Variants in CDC14A observed in about 807,000 individuals in gnomAD.
CDC14A encodes cell division cycle 14A.
CDC14A carries 53 observed loss-of-function variants against 74.4 expected under a neutral mutation model. That is an observed-to-expected ratio of 0.71 (90% CI 0.57 to 0.89). The LOEUF (loss-of-function observed/expected upper bound fraction) is 0.89. Among genes scored for constraint, CDC14A ranks in the 40% least tolerant of loss-of-function variants. The probability of loss-of-function intolerance (pLI) is 0.00; values close to 1 mark genes in which losing one functional copy is unlikely to be tolerated. For synonymous variants in CDC14A, 247 were observed against 258.4 expected (o/e 0.96, Z 0.43); for missense variants, 646 against 713.7 (o/e 0.91, Z 1.08).
intron 4 of CDC14A, among the ~76,000 whole-genome samples, chr1:100,409,252 C>T (rs1361540738): frequency 6.6e-6 from 1 of 152,204 alleles, no homozygotes; most frequent in African/African-American, 2.4e-5. Context: ...GACCTGCCCT[C>T]ATGATTCAGA....
At chr1:100,465,343 T>C (rs1174975263) in intron 9 of CDC14A, among the ~76,000 whole-genome samples, 3 of 152,224 alleles carry the variant, frequency 2.0e-5, no homozygotes, top group Non-Finnish European at 4.4e-5. Flanking sequence ...CATTTACATG[T>C]GGTAATATCT....
rs1571358399 is a variant in CDC14A, at chr1:100,505,495, TAA to T, written c.1755+6234_1755+6235del. On this transcript the variant is annotated intron_variant, in intron 15 of 15. Transcript: ENST00000336454. ...AATATTAGAATCTAGCTTTATAAAA[TAA>T]CCAGTTTGATGAAAATCTGAGTGAT... Among the ~76,000 whole-genome samples the T allele has an allele frequency of 7.2e-5, 11 of 152,350 alleles. No homozygotes were observed. The East Asian group carries it at 2.1e-3, about 29-fold the overall frequency.
At chr1:100,505,852 C>A (rs920676028) in intron 15 of CDC14A, among the ~76,000 whole-genome samples, 1 of 152,138 alleles carries the variant, frequency 6.6e-6, no homozygotes, top group African/African-American at 2.4e-5. Flanking sequence ...AGCATGGCAC[C>A]AACAACCTGC....
chr1:100,381,373 C>T (rs1656072172), intron 3 of CDC14A, among the ~76,000 whole-genome samples: 3 of 152,214 alleles, frequency 2.0e-5, no homozygotes. Flanking sequence ...TCCTTTACTT[C>T]TCTGAGTAAT....
chr1:100,411,254 G>A lies in CDC14A; in HGVS notation c.310-12968G>A, dbSNP rs564260312. Among the ~76,000 whole-genome samples, 6 of 152,244 alleles carry A rather than the reference G, an allele frequency of 3.9e-5. No homozygotes were observed. In the East Asian group the frequency reaches 9.7e-4, roughly 25 times the overall value. On this transcript the variant is annotated intron_variant, in intron 4 of 15. Transcript: ENST00000336454. Reference sequence around the variant, plus strand: ...TTACTTCGACACCCATAGTGCAAGGGAACACTGTTGTGTGAATAACCGCTT... The same window carrying A: ...TTACTTCGACACCCATAGTGCAAGGAAACACTGTTGTGTGAATAACCGCTT...
upstream of CDC14A, chr1:100,352,499 G>A: frequency 2.9e-6 from 3 of 1,031,388 alleles, no homozygotes; most frequent in Non-Finnish European, 3.5e-6. Flanking sequence ...GGCGAAGGAG[G>A]ATCCGGAGCA....
In CDC14A at chr1:100,368,074, G is replaced by A. The variant is rs147023232; in HGVS notation, c.141-9472G>A. 1.6e-3 allele frequency among the ~76,000 whole-genome samples: 242 copies of A among 152,232 alleles called. 2 individuals carry two copies. The South Asian group carries it at 0.021, about 13-fold the overall frequency. ...CTATTCTCACTGTTGGGAAATAATT[G>A]GGCCTTTGTAGGGAAAGGATATTGT... On this transcript the variant is annotated intron_variant, in intron 2 of 15. Coordinates refer to ENST00000336454, the MANE Select transcript of CDC14A (RefSeq NM_003672.4).
At chr1:100,450,762 A>T (rs917497345) in intron 7 of CDC14A, among the ~76,000 whole-genome samples, 1 of 152,012 alleles carries the variant, frequency 6.6e-6, no homozygotes, top group African/African-American at 2.4e-5. Context: ...ACAATTCCCC[A>T]TGGCTTTTTT....
chr1:100,438,378 G>A (rs1307898726), intron 5 of CDC14A, among the ~76,000 whole-genome samples: 1 of 152,102 alleles, frequency 6.6e-6, no homozygotes, highest in Non-Finnish European at 1.5e-5. Context: ...AGGTCACTGA[G>A]AGTCCATGGC....
chr1:100,421,071 C>T (rs893539404), intron 4 of CDC14A, among the ~76,000 whole-genome samples: 2 of 152,228 alleles, frequency 1.3e-5, no homozygotes, highest in East Asian at 1.9e-4. Context: ...TTATCAAAGT[C>T]GTGCATGTAC....
intron 10 of CDC14A, among the ~76,000 whole-genome samples, chr1:100,471,317 A>C (rs1668376375): frequency 6.6e-6 from 1 of 152,150 alleles, no homozygotes; most frequent in South Asian, 2.1e-4. Context: ...GAGTGTTGGA[A>C]ATGTTCTGTA....
At chr1:100,370,330 C>T (rs1570977742) in intron 2 of CDC14A, among the ~76,000 whole-genome samples, 1 of 150,798 alleles carries the variant, frequency 6.6e-6, no homozygotes, top group African/African-American at 2.4e-5. Flanking sequence ...CTTTGTTGCT[C>T]AGGCTAGTCT....
In CDC14A at chr1:100,505,710, T is replaced by G. The variant is rs79591938; in HGVS notation, c.1755+6448T>G. ...CTCTGCCTGTTCTCCATTTTAAAAA[T>G]TGGTCATCTTGTCCTGATTTTAAAT... On this transcript the variant is annotated intron_variant, in intron 15 of 15. Transcript: ENST00000336454. 1.3e-3 allele frequency among the ~76,000 whole-genome samples: 199 copies of G among 152,298 alleles called. 1 individual carries two copies. The highest frequency in any genetic ancestry group is 1.1e-3 in the Non-Finnish European group (75 of 68,022).
intron 10 of CDC14A, among the ~76,000 whole-genome samples, chr1:100,483,395 C>G (rs1174027401): frequency 6.6e-6 from 1 of 152,128 alleles, no homozygotes; most frequent in African/African-American, 2.4e-5. Flanking sequence ...GAAAGTATTA[C>G]TCAATCCTGT....
At chr1:100,398,980 A>G (rs952477877) in intron 4 of CDC14A, among the ~76,000 whole-genome samples, 2 of 152,146 alleles carry the variant, frequency 1.3e-5, no homozygotes, top group Non-Finnish European at 2.9e-5. Context: ...CTGGAAGAAA[A>G]CTAGTTATTT....
chr1:100,350,786 C>A (rs1317445284), upstream of CDC14A, among the ~76,000 whole-genome samples: 2 of 152,230 alleles, frequency 1.3e-5, no homozygotes, highest in Non-Finnish European at 2.9e-5. Context: ...GGAAATACAA[C>A]AACATCTTTG....
At chr1:100,482,772 C>G (rs971787956) in intron 10 of CDC14A, among the ~76,000 whole-genome samples, 1 of 151,930 alleles carries the variant, frequency 6.6e-6, no homozygotes, top group Non-Finnish European at 1.5e-5. Flanking sequence ...ACCTATCTCT[C>G]TCTCTCTGTG....
intron 4 of CDC14A, among the ~76,000 whole-genome samples, chr1:100,414,446 C>G (rs1476798314): frequency 6.6e-6 from 1 of 152,202 alleles, no homozygotes; most frequent in Non-Finnish European, 1.5e-5. Context: ...ACATCCAGTC[C>G]TGGTCTGTTA....
intron 6 of CDC14A, 134 bp from the exon 7 acceptor site, chr1:100,442,800 A>G (rs1385794981): frequency 1.6e-6 from 1 of 642,894 alleles, no homozygotes; most frequent in African/African-American, 1.9e-5. Flanking sequence ...ATTTCTAGAT[A>G]TGCATTAAAC....
Sources: allele counts gnomAD v4.1 joint callset (sites outside exome capture counted in the v4.1 genomes callset), GRCh38; gene constraint gnomAD v4.1.1; transcripts MANE v1.5; gene names NCBI Gene and HGNC (gene_info 2026-07-23, HGNC 2026-07-21).